The following ASNS variants were observed in gnomAD, a reference collection of about 807,000 sequenced individuals.
ASNS encodes the protein asparagine synthetase (glutamine-hydrolyzing).
ASNS carries 37 observed loss-of-function variants against 62.6 expected under a neutral mutation model. The ratio of observed to expected loss-of-function variants is 0.59; its 90% CI spans 0.45 to 0.78. ASNS has a LOEUF of 0.78. Ranked by LOEUF, ASNS falls within the 30% of genes least tolerant of loss-of-function variation. The probability of loss-of-function intolerance (pLI) is 0.00; values close to 1 mark genes in which losing one functional copy is unlikely to be tolerated. For synonymous variants in ASNS, 207 were observed against 237.9 expected, an observed-to-expected ratio of 0.87 and a Z score of 1.19; for missense variants, 520 against 682.4, an observed-to-expected ratio of 0.76 and a Z score of 2.65.
At chr7:97,927,895 G>A in the ASNS span, among the ~76,000 whole-genome samples, 1 of 152,294 alleles carries the variant, frequency 6.6e-6, no homozygotes, top group Non-Finnish European at 1.5e-5. Context: ...CCAAGACTGG[G>A]CAGGGGGGCT....
chr7:97,863,422 G>C (rs1265462683), intron 4 of ASNS: 3 of 152,228 alleles, frequency 2.0e-5, no homozygotes, highest in Non-Finnish European at 4.4e-5. Flanking sequence ...ATACAGAATA[G>C]GGAATCCAGA....
At position 97,868,802 on chromosome 7, in the gene ASNS, G is replaced by C. The variant is rs1792104138; in HGVS notation, c.249+106C>G. 2.7e-6 allele frequency: 4 copies of C among 1,479,396 alleles called. No individual in the cohort carries two copies. In the South Asian group the frequency reaches 3.8e-5, roughly 14 times the overall value. 91.6% of individuals were successfully genotyped at this position (1,479,396 alleles called of 1,614,324 possible). On this transcript the variant is annotated intron_variant, in intron 3 of 12. Transcript: ENST00000394308. ...TAGAGCAAATGAGATAACGAACATAGAGTGCTTTGCAAAGGAAAAAGCATG... is the reference window on the plus strand; with the variant it reads ...TAGAGCAAATGAGATAACGAACATACAGTGCTTTGCAAAGGAAAAAGCATG...
chr7:97,868,984 C>T lies in ASNS; in HGVS notation c.173G>A (p.Gly58Glu), dbSNP rs1792117516. ...HRLAVVDPLF[G>E]MQPIRVKKYP... ...TTTCTTCACTCGAATTGGCTGCATT[C>T]CAAACAGCGGGTCAACTACCGCCAA... Residue 58 changes from glycine to glutamate, a missense_variant, in exon 3 of 13, where the codon GGA becomes GAA. By Grantham distance (98) the Gly-to-Glu change is moderately conservative (BLOSUM62 -2). Coordinates refer to ENST00000394308, the MANE Select transcript of ASNS (RefSeq NM_001673.5). 1 of 1,614,210 alleles carries T rather than the reference C, an allele frequency of 6.2e-7. No homozygotes were observed.
intron 10 of ASNS, among the ~76,000 whole-genome samples, chr7:97,854,210 A>C (rs1276413628): frequency 2.6e-5 from 4 of 152,138 alleles, no homozygotes; most frequent in Non-Finnish European, 5.9e-5. Flanking sequence ...TACGATCTTT[A>C]CTTCTCTTTA....
In ASNS at chr7:97,859,222, G is replaced by T; in HGVS notation, c.664C>A (p.Leu222Ile). Residue 222 changes from leucine to isoleucine, a missense_variant, in exon 5 of 13, where the codon CTC becomes ATC. Transcript: ENST00000394308. Reference sequence around the variant, plus strand: ...GGTGGGTGTCTGCTACCTGGAAAGAGTTTCTCCACATTGTCATAGAGGGCG... The same window carrying T: ...GGTGGGTGTCTGCTACCTGGAAAGATTTTCTCCACATTGTCATAGAGGGCG... ...LHALYDNVEK[L>I]FPGFEIETVK... 6.2e-7 allele frequency: 1 copy of T among 1,605,106 alleles called. No individual in the cohort carries two copies. The highest frequency in any genetic ancestry group is 2.2e-5 in the East Asian group (1 of 44,680).
the ASNS span, among the ~76,000 whole-genome samples, chr7:97,883,214 C>CAAA: frequency 4.9e-4 from 71 of 145,598 alleles, no homozygotes; most frequent in East Asian, 1.4e-3. Context: ...TAAATTAGGG[C>CAAA]AAAAAAAAAA....
chr7:97,909,999 A>T, the ASNS span, among the ~76,000 whole-genome samples: 1 of 152,072 alleles, frequency 6.6e-6, no homozygotes, highest in African/African-American at 2.4e-5. Flanking sequence ...GAGATGACCC[A>T]GACATCAAGG....
the ASNS span, among the ~76,000 whole-genome samples, chr7:97,896,741 C>CACACACACACATATATATATAT: frequency 1.5e-4 from 3 of 19,766 alleles, no homozygotes; most frequent in African/African-American, 2.2e-4. Flanking sequence ...CACACACACA[C>CACACACACACATATATATATAT]ATATATATAT....
the ASNS span, among the ~76,000 whole-genome samples, chr7:97,897,991 C>A: frequency 1.3e-5 from 2 of 152,212 alleles, no homozygotes; most frequent in African/African-American, 4.8e-5. Context: ...GTGTCACAAT[C>A]ATAGTTCACT....
chr7:97,866,931 C>T (rs1792000837), intron 3 of ASNS, among the ~76,000 whole-genome samples: 1 of 152,214 alleles, frequency 6.6e-6, no homozygotes, highest in Non-Finnish European at 1.5e-5. Flanking sequence ...GGTTAGTGAC[C>T]ATAAAGCATT....
chr7:97,859,277 T>C lies in ASNS; in HGVS notation c.609A>G (p.Lys203=). The C allele has an allele frequency of 6.2e-7, 1 of 1,614,170 alleles. No individual in the cohort carries two copies. Among genetic ancestry groups the C allele is most frequent in the Non-Finnish European group, 8.5e-7 (1 of 1,180,018 alleles). ...NGKVASVEMV[K]YHHCRDVPLH... ...GGGGTACATCCCGACAGTGATGATA[T>C]TTAACCATTTCCACGGATGCAACTT... The change falls in exon 5 of 13, where the codon AAA becomes AAG. Residue 203 remains lysine, a synonymous_variant. Coordinates refer to ENST00000394308, the MANE Select transcript of ASNS (RefSeq NM_001673.5).
the ASNS span, among the ~76,000 whole-genome samples, chr7:97,901,991 C>T: frequency 6.6e-6 from 1 of 151,898 alleles, no homozygotes; most frequent in East Asian, 1.9e-4. Context: ...AAAAAAAAAA[C>T]CCTTAAGTGT....
chr7:97,911,342 A>G, the ASNS span, among the ~76,000 whole-genome samples: 5 of 152,204 alleles, frequency 3.3e-5, no homozygotes, highest in Non-Finnish European at 7.3e-5. Flanking sequence ...AACAATAATA[A>G]TAATAAAAAA....
the ASNS span, among the ~76,000 whole-genome samples, chr7:97,927,562 G>A: frequency 7.0e-6 from 1 of 142,228 alleles, no homozygotes; most frequent in Admixed American, 7.1e-5. Flanking sequence ...GGTCACTGCA[G>A]TGCATTCTGG....
At chr7:97,878,273 C>G in the ASNS span, among the ~76,000 whole-genome samples, 2 of 152,108 alleles carry the variant, frequency 1.3e-5, no homozygotes, top group African/African-American at 4.8e-5. Context: ...CTCTAACAAC[C>G]CAGCTCCCCA....
chr7:97,877,315 G>C (rs1159559023), upstream of ASNS, among the ~76,000 whole-genome samples: 1 of 152,074 alleles, frequency 6.6e-6, no homozygotes, highest in Admixed American at 6.5e-5. Flanking sequence ...GGATGGTCTC[G>C]ATCTCCTGAT....
At chr7:97,869,397 C>T (rs1471074165) in intron 2 of ASNS, among the ~76,000 whole-genome samples, 1 of 152,196 alleles carries the variant, frequency 6.6e-6, no homozygotes, top group African/African-American at 2.4e-5. Context: ...CTACATTCAA[C>T]CGGCTACAGC....
the ASNS span, among the ~76,000 whole-genome samples, chr7:97,899,785 GACA>G: frequency 2.6e-5 from 4 of 151,804 alleles, no homozygotes; most frequent in Non-Finnish European, 4.4e-5. Context: ...CATGTGGGTA[GACA>G]ACAATAGGTG....
the ASNS span, among the ~76,000 whole-genome samples, chr7:97,884,476 G>C: frequency 6.6e-6 from 1 of 152,126 alleles, no homozygotes; most frequent in Non-Finnish European, 1.5e-5. Flanking sequence ...TTGAACTCGG[G>C]AGGCAGAGGT....
Sources: allele counts gnomAD v4.1 joint callset (sites outside exome capture counted in the v4.1 genomes callset), GRCh38; gene constraint gnomAD v4.1.1; transcripts MANE v1.5; gene names NCBI Gene and HGNC (gene_info 2026-07-23, HGNC 2026-07-21).